Variants in REEP5 observed in about 807,000 individuals in gnomAD.
REEP5 encodes the protein receptor accessory protein 5.
In REEP5, 24 loss-of-function variants were observed where a neutral mutation model predicts 22.4. That is an observed-to-expected ratio of 1.07 (90% confidence interval 0.78 to 1.51). The LOEUF is 1.51. Ranked by LOEUF, REEP5 falls within the 40% of genes most tolerant of loss-of-function variation. The pLI, the probability that REEP5 is intolerant of heterozygous loss-of-function variation, is 0.00. For synonymous variants in REEP5, 103 were observed against 88.6 expected (o/e 1.16, Z -0.92); for missense variants, 252 against 233.0 (o/e 1.08, Z -0.53).
At chr5:112,911,831 T>G (rs1024427938) in intron 2 of REEP5, among the ~76,000 whole-genome samples, 1 of 152,168 alleles carries the variant, frequency 6.6e-6, no homozygotes, top group African/African-American at 2.4e-5. Flanking sequence ...GAACAAAACT[T>G]TACTGTGTTT....
chr5:112,901,636 C>A (rs1768849257), intron 3 of REEP5, among the ~76,000 whole-genome samples: 1 of 150,846 alleles, frequency 6.6e-6, no homozygotes, highest in Admixed American at 6.6e-5. Flanking sequence ...CACTTGAACC[C>A]AGGATGCGGA....
chr5:112,895,130 T>G (rs925776378), intron 3 of REEP5: 1 of 149,864 alleles, frequency 6.7e-6, no homozygotes, highest in Admixed American at 6.8e-5. Context: ...TCCCAGCCAC[T>G]CAGGAGGCTG....
intron 2 of REEP5, among the ~76,000 whole-genome samples, chr5:112,908,529 A>G (rs1769013888): frequency 6.6e-6 from 1 of 150,950 alleles, no homozygotes; most frequent in African/African-American, 2.5e-5. Context: ...AAAACAGCTA[A>G]TAATTTTTTT....
chr5:112,922,076 G>C lies in REEP5; in HGVS notation c.115C>G (p.Leu39Val). Residue 39 changes from leucine to valine, a missense_variant, in exon 1 of 5, where the codon CTT becomes GTT. Leu to Val is a conservative substitution (Grantham distance 32). Transcript: ENST00000379638. ...KTGVNRSFIA[L>V]GVIGLVALYL... ...GCGGCGACCCCCGGCCACCCACCAA[G>C]AGCGATGAAGCTCCTGTTCACGCCG... The C allele has an allele frequency of 1.3e-6, 2 of 1,597,544 alleles. No individual in the cohort carries two copies. The highest frequency in any genetic ancestry group is 1.4e-5 in the African/African-American group (1 of 73,482).
At chr5:112,919,295 C>T (rs1428987812) in intron 2 of REEP5, among the ~76,000 whole-genome samples, 1 of 152,146 alleles carries the variant, frequency 6.6e-6, no homozygotes, top group Non-Finnish European at 1.5e-5. Flanking sequence ...CGCCTGTAAT[C>T]CCAGTACTTT....
intron 2 of REEP5, among the ~76,000 whole-genome samples, chr5:112,919,898 C>T (rs1304537855): frequency 6.6e-6 from 1 of 152,136 alleles, no homozygotes; most frequent in Admixed American, 6.5e-5. Context: ...TACTAAAGAC[C>T]ACCATTTTCA....
rs1178033505 is a variant in REEP5, at chr5:112,877,723, C to G, written c.*1063G>C. On this transcript the variant is annotated 3_prime_UTR_variant, in exon 5 of 5. Transcript: ENST00000379638. ...CAGAATTGCTCTTAGAGCTAGGTGT[C>G]GTCATTAGCATGTTGTTGCTAATGA... 6.6e-6 allele frequency: 1 copy of G among 152,024 alleles called. No homozygotes were observed. Among genetic ancestry groups the G allele is most frequent in the Admixed American group, 6.6e-5 (1 of 15,262 alleles). 9.4% of individuals were successfully genotyped at this position (152,024 alleles called of 1,614,324 possible).
intron 3 of REEP5, among the ~76,000 whole-genome samples, chr5:112,899,265 T>G (rs1241803808): frequency 2.7e-5 from 4 of 150,280 alleles, no homozygotes; most frequent in East Asian, 3.9e-4. Context: ...GTTTTCGGTT[T>G]TTTTTTTTTT....
chr5:112,903,068 T>C (rs1430003582), intron 2 of REEP5, among the ~76,000 whole-genome samples: 1 of 152,246 alleles, frequency 6.6e-6, no homozygotes, highest in African/African-American at 2.4e-5. Context: ...TGTCTTTAAC[T>C]GATCCACAGG....
chr5:112,887,455 G>A (rs965805450), intron 3 of REEP5, among the ~76,000 whole-genome samples: 3 of 152,130 alleles, frequency 2.0e-5, no homozygotes, highest in African/African-American at 4.8e-5. Context: ...CTTGGACCAC[G>A]TTTTAGTATA....
At chr5:112,891,987 G>T (rs1466900921) in intron 3 of REEP5, 1 of 1,257,276 alleles carries the variant, frequency 8.0e-7, no homozygotes. Flanking sequence ...AGGAACAATG[G>T]AAAGAACAGC....
chr5:112,877,903 AAT>A lies in REEP5; in HGVS notation c.*881_*882del, dbSNP rs1561644168. On this transcript the variant is annotated 3_prime_UTR_variant, in exon 5 of 5. Transcript: ENST00000379638. The stretch of plus-strand genomic sequence containing the variant: ...ATGGTTTCCATTGTAGCATCTTGAC[AAT>A]AGACAAATATGTAAAGTTTATAGCA... 1 of 152,184 alleles carries A rather than the reference AAT, an allele frequency of 6.6e-6. No homozygotes were observed. Among genetic ancestry groups the A allele is most frequent in the African/African-American group, 2.4e-5 (1 of 41,434 alleles). The allele number at this position is 152,184 out of a possible 1,614,324, so 9.4% of individuals were successfully genotyped here. A position where few individuals can be genotyped will look rare whatever the true frequency, so the allele number is the denominator to read the frequency against.
chr5:112,886,176 C>T (rs565708874), intron 4 of REEP5, among the ~76,000 whole-genome samples: 3 of 152,320 alleles, frequency 2.0e-5, no homozygotes, highest in South Asian at 4.1e-4. Context: ...AGCCTGCCTG[C>T]GCTTCATTCA....
chr5:112,912,175 A>C (rs1195554845), intron 2 of REEP5, among the ~76,000 whole-genome samples: 2 of 152,158 alleles, frequency 1.3e-5, no homozygotes, highest in East Asian at 3.8e-4. Context: ...TATAAAAGTT[A>C]AGCTGTTTGC....
intron 1 of REEP5, 92 bp from the exon 2 acceptor site, chr5:112,921,348 T>C: frequency 8.1e-7 from 1 of 1,236,726 alleles, no homozygotes; most frequent in Non-Finnish European, 1.2e-6. Context: ...GGGCCTGTTG[T>C]AGGAGTTTTC....
chr5:112,906,133 T>C (rs1033170029), intron 2 of REEP5, among the ~76,000 whole-genome samples: 4 of 152,220 alleles, frequency 2.6e-5, no homozygotes, highest in African/African-American at 9.6e-5. Flanking sequence ...CTAGCCAAAA[T>C]GGCCAAGCCA....
chr5:112,910,372 T>C (rs531208141), intron 2 of REEP5, among the ~76,000 whole-genome samples: 321 of 152,306 alleles, frequency 2.1e-3, no homozygotes, highest in Non-Finnish European at 2.9e-3. Context: ...TGTGTATGTG[T>C]AGGCGTAGTG....
chr5:112,891,663 GTTTCCCAAGAAGATGACA>G (rs1561650297), intron 3 of REEP5: 1 of 1,612,220 alleles, frequency 6.2e-7, no homozygotes, highest in Non-Finnish European at 8.5e-7. Context: ...AGAAGATGAC[GTTTCCCAAGAAGATGACA>G]TTTCCAGAGA....
intron 2 of REEP5, among the ~76,000 whole-genome samples, chr5:112,914,153 A>C (rs535908441): frequency 9.3e-4 from 141 of 151,174 alleles, no homozygotes; most frequent in Non-Finnish European, 1.4e-3. Flanking sequence ...AAAAAAACAC[A>C]CTCAAAAAAA....
Sources: allele counts gnomAD v4.1 joint callset (sites outside exome capture counted in the v4.1 genomes callset), GRCh38; gene constraint gnomAD v4.1.1; transcripts MANE v1.5; gene names NCBI Gene and HGNC (gene_info 2026-07-23, HGNC 2026-07-21).